Variants in MAGI2 observed in about 807,000 individuals in gnomAD.
MAGI2 encodes the protein membrane-associated guanylate kinase, WW and PDZ domain-containing protein 2.
A neutral mutation model predicts 133.3 loss-of-function variants in MAGI2; 35 were observed. The ratio of observed to expected loss-of-function variants is 0.26; its 90% CI spans 0.20 to 0.35. The LOEUF (loss-of-function observed/expected upper bound fraction) is 0.35, where lower values mean the gene tolerates loss of function less well. MAGI2 is among the 10% of genes least tolerant of loss of function. MAGI2 has a pLI of 1.00. For missense variants in MAGI2, 1,636 were observed against 1,863.4 expected (o/e 0.88, Z 2.25); for synonymous variants, 729 against 710.6 (o/e 1.03, Z -0.41).
At chr7:78,690,280 C>T (rs528110588) in intron 2 of MAGI2, among the ~76,000 whole-genome samples, 1 of 152,274 alleles carries the variant, frequency 6.6e-6, no homozygotes, top group East Asian at 1.9e-4. Flanking sequence ...ATGTGGTGAA[C>T]TTGAGGCGGG....
intron 2 of MAGI2, among the ~76,000 whole-genome samples, chr7:78,950,229 G>A (rs1368278883): frequency 1.3e-5 from 2 of 152,026 alleles, no homozygotes; most frequent in Admixed American, 6.5e-5. Flanking sequence ...ACTTCATTTT[G>A]ATGTGTGTTG....
rs139797657 is a variant in MAGI2 at position 78,331,309 on chromosome 7, C to T, written c.1408+12469G>A. On this transcript the variant is annotated intron_variant, in intron 9 of 21. Transcript: ENST00000354212. Reference sequence around the variant, plus strand: ...ATGCATACCCCAAACCTCAGCGTCACGCAATATACCTATGTAACAAACCTG... The same window carrying T: ...ATGCATACCCCAAACCTCAGCGTCATGCAATATACCTATGTAACAAACCTG... 2.9e-3 allele frequency among the ~76,000 whole-genome samples: 383 copies of T among 134,236 alleles called. 1 individual carries two copies. Among genetic ancestry groups the T allele is most frequent in the African/African-American group, 0.011 (373 of 34,316 alleles). 88.1% of individuals were successfully genotyped at this position (134,236 alleles called of 152,430 possible). A position where few individuals can be genotyped will look rare whatever the true frequency, so the allele number is the denominator to read the frequency against.
At chr7:79,327,387 C>T (rs901579786) in intron 1 of MAGI2, among the ~76,000 whole-genome samples, 4 of 151,964 alleles carry the variant, frequency 2.6e-5, no homozygotes, top group African/African-American at 7.3e-5. Context: ...GATGAAGTGC[C>T]CCTGAGACGA....
intron 2 of MAGI2, among the ~76,000 whole-genome samples, chr7:78,798,162 C>T (rs1024418753): frequency 1.3e-5 from 2 of 152,238 alleles, no homozygotes; most frequent in South Asian, 2.1e-4. Context: ...GTAGTATTTA[C>T]GCAGGCTGCA....
chr7:79,146,974 T>C (rs984699817), intron 1 of MAGI2, among the ~76,000 whole-genome samples: 11 of 152,242 alleles, frequency 7.2e-5, no homozygotes, highest in Non-Finnish European at 1.3e-4. Flanking sequence ...GAGTCTCTTC[T>C]AGATTACTTG....
chr7:78,289,047 T>C (rs1796435048), intron 9 of MAGI2, among the ~76,000 whole-genome samples: 1 of 152,134 alleles, frequency 6.6e-6, no homozygotes, highest in Non-Finnish European at 1.5e-5. Flanking sequence ...AGCGCCTCTT[T>C]TCCTCCAAAG....
At chr7:78,839,750 G>A (rs1392690248) in intron 2 of MAGI2, among the ~76,000 whole-genome samples, 1 of 151,940 alleles carries the variant, frequency 6.6e-6, no homozygotes, top group Non-Finnish European at 1.5e-5. Context: ...ATTTGGGTAG[G>A]GACACAGAGC....
chr7:78,545,050 T>TCCC (rs1198045097), intron 3 of MAGI2, among the ~76,000 whole-genome samples: 2 of 151,404 alleles, frequency 1.3e-5, no homozygotes, highest in Non-Finnish European at 2.9e-5. Flanking sequence ...TGTCTCGGCA[T>TCCC]CCCTATTAGA....
intron 5 of MAGI2, 67 bp downstream of exon 5, chr7:78,501,499 TCCACGTCTAAC>T: frequency 8.3e-7 from 1 of 1,208,546 alleles, no homozygotes; most frequent in African/African-American, 1.7e-5. Context: ...TTTTTTTTTT[TCCACGTCTAAC>T]TTGCTACATC....
chr7:78,656,604 T>C (rs1464269147), intron 2 of MAGI2, among the ~76,000 whole-genome samples: 1 of 152,084 alleles, frequency 6.6e-6, no homozygotes, highest in Non-Finnish European at 1.5e-5. Context: ...AATCTAGAGA[T>C]CTAATGTACA....
chr7:78,854,082 A>G (rs188416135), intron 2 of MAGI2, among the ~76,000 whole-genome samples: 6 of 152,294 alleles, frequency 3.9e-5, no homozygotes, highest in African/African-American at 1.4e-4. Context: ...ACTGTCAGAT[A>G]CATTTAGTGA....
At chr7:79,209,775 A>C (rs1829354646) in intron 1 of MAGI2, among the ~76,000 whole-genome samples, 7 of 152,006 alleles carry the variant, frequency 4.6e-5, no homozygotes, top group Admixed American at 4.6e-4. Context: ...TTTGTGTGTC[A>C]CTCTAAAAAT....
chr7:79,178,281 C>T (rs929803919), intron 1 of MAGI2, among the ~76,000 whole-genome samples: 4 of 151,730 alleles, frequency 2.6e-5, no homozygotes, highest in African/African-American at 4.9e-5. Context: ...ACAGCAGATA[C>T]GTTCTAGCAC....
rs368259216 is a variant in MAGI2 at position 78,973,033 on chromosome 7, G to T, written c.418+34057C>A. ...ATCATTTCCCTCAAAGTAGTTACAGGTACAAAAACTGAAATACTGAATGGT... is the reference window on the plus strand; with the variant it reads ...ATCATTTCCCTCAAAGTAGTTACAGTTACAAAAACTGAAATACTGAATGGT... On this transcript the variant is annotated intron_variant, in intron 2 of 21. Coordinates refer to ENST00000354212, the MANE Select transcript of MAGI2 (RefSeq NM_012301.4). 2.3e-3 allele frequency among the ~76,000 whole-genome samples: 348 copies of T among 151,468 alleles called. 1 individual carries two copies. Among genetic ancestry groups the T allele is most frequent in the African/African-American group, 7.9e-3 (328 of 41,306 alleles).
chr7:78,261,049 A>T (rs969437328), intron 9 of MAGI2, among the ~76,000 whole-genome samples: 1 of 152,004 alleles, frequency 6.6e-6, no homozygotes, highest in Non-Finnish European at 1.5e-5. Context: ...CCTTTTCAAC[A>T]TCTCTCACTT....
At chr7:78,222,707 G>A (rs1480405752) in intron 10 of MAGI2, among the ~76,000 whole-genome samples, 2 of 152,300 alleles carry the variant, frequency 1.3e-5, no homozygotes, top group Middle Eastern at 3.4e-3. Context: ...GTCACTTTAT[G>A]TAGAGTCCAA....
chr7:78,453,796 T>C (rs937478520), intron 6 of MAGI2, among the ~76,000 whole-genome samples: 6 of 149,674 alleles, frequency 4.0e-5, no homozygotes, highest in South Asian at 2.1e-4. Flanking sequence ...CTTTCTTTAG[T>C]AATCTGGAAA....
chr7:79,153,050 C>T (rs1320876456), intron 1 of MAGI2, among the ~76,000 whole-genome samples: 3 of 152,118 alleles, frequency 2.0e-5, no homozygotes, highest in Non-Finnish European at 4.4e-5. Context: ...TATAGTATCA[C>T]TTATTCATAG....
intron 1 of MAGI2, among the ~76,000 whole-genome samples, chr7:79,352,731 A>T (rs1841771791): frequency 6.6e-6 from 1 of 152,212 alleles, no homozygotes; most frequent in Admixed American, 6.5e-5. Flanking sequence ...ATCCCAACAG[A>T]TGAGGTTAAG....
Sources: gnomAD v4.1 joint callset for allele counts (sites outside exome capture counted in the v4.1 genomes callset) on GRCh38, gnomAD v4.1.1 for gene constraint, MANE v1.5 for transcripts, NCBI Gene and HGNC (gene_info 2026-07-23, HGNC 2026-07-21) for gene names.